CKAP5: variants seen among roughly 807,000 people sequenced by gnomAD.
CKAP5 encodes cytoskeleton associated protein 5, also known as cytoskeleton-associated protein 5.
Under a neutral mutation model 232.8 loss-of-function variants are expected in CKAP5, and 27 were observed. That is an observed-to-expected ratio of 0.12 (90% confidence interval 0.09 to 0.16). The LOEUF (loss-of-function observed/expected upper bound fraction) is 0.16. Ranked by LOEUF, CKAP5 falls within the 10% of genes least tolerant of loss-of-function variation. CKAP5 has a pLI of 1.00. For synonymous variants in CKAP5, 785 were observed against 841.1 expected, an observed-to-expected ratio of 0.93 and a Z score of 1.16; for missense variants, 1,838 against 2,424.7, an observed-to-expected ratio of 0.76 and a Z score of 5.08.
intron 26 of CKAP5, 125 bp downstream of exon 26, chr11:46,769,838 A>G (rs929746031): frequency 3.3e-5 from 34 of 1,042,976 alleles, no homozygotes; most frequent in Non-Finnish European, 4.3e-5. Context: ...AAGTAAGCAG[A>G]GAAGGAAGGA....
chr11:46,751,182 T>A lies in CKAP5; in HGVS notation c.5396A>T (p.Lys1799Met). Reference protein sequence around the residue: ...ELEAHLCRMMKHSMDQTGSKS... With the variant: ...ELEAHLCRMMMHSMDQTGSKS... ...GCTCCCAGTCTGGTCCATACTGTGCTTCATCATCCGGCAGAGATGGGCCTC... is the reference window on the plus strand; with the variant it reads ...GCTCCCAGTCTGGTCCATACTGTGCATCATCATCCGGCAGAGATGGGCCTC... Residue 1799 changes from lysine (K) to methionine (M), a missense_variant, in exon 40 of 44, where the codon AAG (lysine) becomes ATG (methionine). By Grantham distance (95) the Lys-to-Met change is moderately conservative. Coordinates refer to ENST00000529230, the MANE Select transcript of CKAP5 (RefSeq NM_001008938.4). 1 of 1,614,190 alleles carries A rather than the reference T, an allele frequency of 6.2e-7. No individual in the cohort carries two copies. The highest frequency in any genetic ancestry group is 8.5e-7 in the Non-Finnish European group (1 of 1,180,024).
At chr11:46,788,457 C>G (rs1178950978) in intron 16 of CKAP5, among the ~76,000 whole-genome samples, 1 of 152,062 alleles carries the variant, frequency 6.6e-6, no homozygotes, top group African/African-American at 2.4e-5. Flanking sequence ...GCCTGTAATC[C>G]CAGCTACTCG....
chr11:46,749,698 C>T (rs2065048400), intron 42 of CKAP5, among the ~76,000 whole-genome samples: 1 of 151,526 alleles, frequency 6.6e-6, no homozygotes, highest in Non-Finnish European at 1.5e-5. Flanking sequence ...TCATGAGCAT[C>T]ATCTCAGCAC....
chr11:46,834,199 C>A (rs768622830), intron 1 of CKAP5, among the ~76,000 whole-genome samples: 3 of 152,034 alleles, frequency 2.0e-5, no homozygotes, highest in Admixed American at 6.6e-5. Context: ...TTAAACAAAC[C>A]TATATTTCAG....
chr11:46,802,553 GACAGAC>G lies in CKAP5; in HGVS notation c.979-1255_979-1250del, dbSNP rs796249579. On this transcript the variant is annotated intron_variant, in intron 8 of 43. Coordinates refer to ENST00000529230, the MANE Select transcript of CKAP5 (RefSeq NM_001008938.4). Reference sequence around the variant, plus strand: ...AGCAAGACAGACAGACAGACAGACAGACAGACACACACACACACACACACACACACA... The same window carrying G: ...AGCAAGACAGACAGACAGACAGACAGACACACACACACACACACACACACA... Among the ~76,000 whole-genome samples, 213 of 142,558 alleles carry G rather than the reference GACAGAC, an allele frequency of 1.5e-3. 5 individuals are homozygous for G. In the South Asian group the frequency reaches 0.044, roughly 30 times the overall value. The allele number at this position is 142,558 out of a possible 152,430, so 93.5% of individuals were successfully genotyped here. A position where few individuals can be genotyped will look rare whatever the true frequency, so the allele number is the denominator to read the frequency against.
intron 13 of CKAP5, among the ~76,000 whole-genome samples, chr11:46,792,771 G>T (rs1938771445): frequency 6.6e-6 from 1 of 152,114 alleles, no homozygotes; most frequent in African/African-American, 2.4e-5. Context: ...AACATGGAAG[G>T]GTTTAAAGAG....
rs372200534 is a variant in CKAP5 at position 46,786,725 on chromosome 11, C to A, written c.1968+1956G>T. 9.7e-4 allele frequency among the ~76,000 whole-genome samples: 148 copies of A among 152,280 alleles called. 1 individual carries two copies. The South Asian group carries it at 0.023, about 24-fold the overall frequency. ...AGGAAAGACTGAAAAGGGCCCTAAT[C>A]TCTGACTGACCTTCAAGACCTTGCT... On this transcript the variant is annotated intron_variant, in intron 16 of 43. Transcript: ENST00000529230.
intron 4 of CKAP5, among the ~76,000 whole-genome samples, chr11:46,813,886 G>C (rs1257801229): frequency 6.6e-6 from 1 of 152,066 alleles, no homozygotes; most frequent in East Asian, 1.9e-4. Context: ...TGTAATCCCA[G>C]CACTTTGGGA....
At chr11:46,823,106 G>C (rs1045742760) in intron 1 of CKAP5, among the ~76,000 whole-genome samples, 10 of 151,988 alleles carry the variant, frequency 6.6e-5, no homozygotes, top group Non-Finnish European at 1.5e-4. Flanking sequence ...GATTTGGTGG[G>C]ACTGCAGGTG....
Position 46,751,102 on chromosome 11 carries a change from AAGTC to A in CKAP5, c.5460+12_5460+15del, listed in dbSNP as rs755600134. On this transcript the variant is annotated intron_variant, in intron 40 of 43. Transcript: ENST00000529230. ...GTAGCCTCATGTCCCTCAATCTTTCAAGTCAGGCCACTCACTATTCGAGATGCTC... is the reference window on the plus strand; with the variant it reads ...GTAGCCTCATGTCCCTCAATCTTTCAAGGCCACTCACTATTCGAGATGCTC... The A allele has an allele frequency of 1.7e-5, 28 of 1,613,738 alleles. No homozygotes were observed. The highest frequency in any genetic ancestry group is 2.3e-5 in the Non-Finnish European group (27 of 1,179,868).
chr11:46,762,576 A>C, intron 31 of CKAP5, 51 bp downstream of exon 31: 1 of 1,602,536 alleles, frequency 6.2e-7, no homozygotes, highest in East Asian at 2.2e-5. Context: ...TATTTCTTCT[A>C]TAGGCTACTG....
chr11:46,772,333 T>G (rs1476791229), intron 24 of CKAP5, among the ~76,000 whole-genome samples: 1 of 152,196 alleles, frequency 6.6e-6, no homozygotes, highest in Non-Finnish European at 1.5e-5. Flanking sequence ...TTATCAACTT[T>G]CCTTTTATGG....
intron 13 of CKAP5, among the ~76,000 whole-genome samples, chr11:46,794,668 T>C (rs912965418): frequency 1.3e-4 from 19 of 151,514 alleles, no homozygotes; most frequent in African/African-American, 4.4e-4. Context: ...CGAGGCCCTC[T>C]ATAAAAAATT....
chr11:46,821,047 C>T lies in CKAP5; in HGVS notation c.57+128G>A, dbSNP rs1052384435. 17 of 556,772 alleles carry T rather than the reference C, an allele frequency of 3.1e-5. 1 individual carries two copies. Among genetic ancestry groups the T allele is most frequent in the Non-Finnish European group, 4.9e-5 (16 of 328,854 alleles). 34.5% of individuals were successfully genotyped at this position (556,772 alleles called of 1,614,324 possible). On this transcript the variant is annotated intron_variant, in intron 2 of 43. Coordinates refer to ENST00000529230, the MANE Select transcript of CKAP5 (RefSeq NM_001008938.4). ...ACCTATTTTCAATGAGAAAAAATAA[C>T]ATATCTAACAAGGCATCAGTATTTT...
chr11:46,814,625 A>G (rs939413762), intron 4 of CKAP5, among the ~76,000 whole-genome samples: 2 of 152,238 alleles, frequency 1.3e-5, no homozygotes, highest in African/African-American at 4.8e-5. Flanking sequence ...CCAGATTAGA[A>G]GAACTGCCAA....
In CKAP5 at chr11:46,763,006, T is replaced by C. The variant is rs368058785; in HGVS notation, c.3861A>G (p.Ala1287=). Residue 1287 remains alanine, a synonymous_variant, in exon 30 of 44, where the codon GCA becomes GCG. Transcript: ENST00000529230. ...CGACAAGATAGGGGATGAAGGAAGA[T>C]GCTTCATTCTCAGTAAGATGATATT... ...EEEYHLTENE[A]SSFIPYLVVK... 1.7e-5 allele frequency: 27 copies of C among 1,613,664 alleles called. No homozygotes were observed. The highest frequency in any genetic ancestry group is 2.3e-5 in the Non-Finnish European group (27 of 1,179,740).
chr11:46,745,780 C>A (rs996547049), intron 42 of CKAP5, among the ~76,000 whole-genome samples: 4 of 151,854 alleles, frequency 2.6e-5, no homozygotes, highest in Non-Finnish European at 5.9e-5. Context: ...CATGGTGAAA[C>A]CCTCTTAAAA....
At chr11:46,787,578 C>T (rs2065406545) in intron 16 of CKAP5, among the ~76,000 whole-genome samples, 1 of 152,108 alleles carries the variant, frequency 6.6e-6, no homozygotes, top group Non-Finnish European at 1.5e-5. Flanking sequence ...TAAATTTTCA[C>T]TGGCAATTTA....
chr11:46,749,648 G>A (rs1486949658), intron 42 of CKAP5, among the ~76,000 whole-genome samples: 1 of 151,792 alleles, frequency 6.6e-6, no homozygotes, highest in African/African-American at 2.4e-5. Context: ...CCTGGGGGAT[G>A]TCCACATTAA....
Sources: allele counts gnomAD v4.1 joint callset (sites outside exome capture counted in the v4.1 genomes callset), GRCh38; gene constraint gnomAD v4.1.1; transcripts MANE v1.5; gene names NCBI Gene and HGNC (gene_info 2026-07-23, HGNC 2026-07-21).